Variants in ITGBL1 observed in about 807,000 individuals in gnomAD.
ITGBL1 encodes the protein integrin beta-like protein 1.
In ITGBL1, 51 loss-of-function variants were observed where a neutral mutation model predicts 68.5. The ratio of observed to expected loss-of-function variants is 0.74; its 90% CI spans 0.59 to 0.94. The LOEUF is 0.94. Ranked by LOEUF, ITGBL1 falls within the 40% of genes least tolerant of loss-of-function variation. The pLI is 0.00. For missense variants in ITGBL1, 649 were observed against 647.4 expected, an observed-to-expected ratio of 1.00 and a Z score of -0.03; for synonymous variants, 209 against 227.3, an observed-to-expected ratio of 0.92 and a Z score of 0.72.
chr13:101,652,138 C>T (rs2032772990), intron 7 of ITGBL1, among the ~76,000 whole-genome samples: 1 of 151,962 alleles, frequency 6.6e-6, no homozygotes, highest in African/African-American at 2.4e-5. Context: ...CTCTGTAGTT[C>T]AGGCTACACT....
chr13:101,455,776 A>G (rs1388975454), intron 2 of ITGBL1, among the ~76,000 whole-genome samples: 2 of 152,242 alleles, frequency 1.3e-5, no homozygotes, highest in African/African-American at 2.4e-5. Context: ...AATGAAAGCT[A>G]AGTTACCGCC....
intron 2 of ITGBL1, among the ~76,000 whole-genome samples, chr13:101,552,001 C>T (rs183185727): frequency 2.6e-5 from 4 of 152,180 alleles, no homozygotes; most frequent in Admixed American, 6.5e-5. Flanking sequence ...GGAAGATATT[C>T]CTTTTTGTCG....
At chr13:101,639,296 G>GT (rs1411107850) in intron 7 of ITGBL1, among the ~76,000 whole-genome samples, 30 of 152,074 alleles carry the variant, frequency 2.0e-4, no homozygotes, top group Non-Finnish European at 1.5e-5. Context: ...CTGAGACAAA[G>GT]TTTTCTTTTG....
chr13:101,635,190 T>G (rs2032129248), intron 7 of ITGBL1, among the ~76,000 whole-genome samples: 2 of 152,066 alleles, frequency 1.3e-5, no homozygotes, highest in South Asian at 4.1e-4. Flanking sequence ...TTATCTGTGT[T>G]GCCTCAGCAA....
At chr13:101,623,028 GAGATT>G (rs1411360424) in intron 7 of ITGBL1, among the ~76,000 whole-genome samples, 3 of 151,814 alleles carry the variant, frequency 2.0e-5, no homozygotes, top group African/African-American at 7.3e-5. Context: ...TTCTCTAATT[GAGATT>G]AGATTATATT....
chr13:101,707,571 G>A (rs771726617), intron 9 of ITGBL1, among the ~76,000 whole-genome samples: 8 of 152,104 alleles, frequency 5.3e-5, no homozygotes, highest in Non-Finnish European at 1.2e-4. Flanking sequence ...TGGGCACCGT[G>A]GCCCATGCCT....
downstream of ITGBL1, chr13:101,720,560 GTGTGTA>G (rs1412248832): frequency 6.9e-4 from 104 of 150,618 alleles, 1 homozygote; most frequent in Admixed American, 1.1e-3. Context: ...GTGTGTGTGT[GTGTGTA>G]TATGTGTGTG....
chr13:101,497,088 CAGAGGGAAAAG>C (rs2048867803), intron 2 of ITGBL1, among the ~76,000 whole-genome samples: 1 of 152,086 alleles, frequency 6.6e-6, no homozygotes, highest in Non-Finnish European at 1.5e-5. Flanking sequence ...GTTCTGAGGC[CAGAGGGAAAAG>C]AGAGGGAGAG....
intron 7 of ITGBL1, among the ~76,000 whole-genome samples, chr13:101,649,802 TA>T (rs2139449366): frequency 6.6e-6 from 1 of 152,348 alleles, no homozygotes; most frequent in Non-Finnish European, 1.5e-5. Context: ...GCTTAAAGTT[TA>T]TTAAGACTTT....
intron 4 of ITGBL1, among the ~76,000 whole-genome samples, chr13:101,577,841 T>C (rs1429662637): frequency 6.6e-6 from 1 of 152,194 alleles, no homozygotes; most frequent in East Asian, 1.9e-4. Context: ...ATAAATAAGA[T>C]ATATAGATGA....
intron 7 of ITGBL1, among the ~76,000 whole-genome samples, chr13:101,634,750 A>G (rs1281160934): frequency 6.6e-6 from 1 of 152,106 alleles, no homozygotes; most frequent in East Asian, 1.9e-4. Context: ...CAAGAAACAA[A>G]GGAATTCCTT....
intron 2 of ITGBL1, among the ~76,000 whole-genome samples, chr13:101,537,329 A>C (rs1321805192): frequency 1.3e-5 from 2 of 152,032 alleles, no homozygotes; most frequent in Non-Finnish European, 2.9e-5. Flanking sequence ...TAACTTAGGA[A>C]ATATTTAAAA....
chr13:101,605,705 TGTATGTGC>T (rs1220076364), intron 7 of ITGBL1, among the ~76,000 whole-genome samples: 17 of 151,630 alleles, frequency 1.1e-4, no homozygotes, highest in Non-Finnish European at 1.3e-4. Context: ...TGTAGACTTA[TGTATGTGC>T]GTATATGCGT....
chr13:101,649,008 A>G (rs902334633), intron 7 of ITGBL1, among the ~76,000 whole-genome samples: 4 of 152,182 alleles, frequency 2.6e-5, no homozygotes, highest in Admixed American at 6.5e-5. Context: ...TGAGACATCT[A>G]CATAAGATTT....
chr13:101,588,549 A>G (rs537303812), intron 6 of ITGBL1, among the ~76,000 whole-genome samples: 2 of 152,298 alleles, frequency 1.3e-5, no homozygotes, highest in South Asian at 2.1e-4. Context: ...TTTCAGATCC[A>G]TGTGGCAAAT....
At chr13:101,587,503 C>T (rs776510203) in intron 6 of ITGBL1, among the ~76,000 whole-genome samples, 1 of 152,186 alleles carries the variant, frequency 6.6e-6, no homozygotes, top group Non-Finnish European at 1.5e-5. Flanking sequence ...GTTTGTTACA[C>T]CCAATTTACT....
chr13:101,463,496 C>G (rs1427812032), intron 2 of ITGBL1, among the ~76,000 whole-genome samples: 1 of 152,136 alleles, frequency 6.6e-6, no homozygotes, highest in African/African-American at 2.4e-5. Context: ...CATAATTGAT[C>G]TAATGGAATG....
intron 2 of ITGBL1, among the ~76,000 whole-genome samples, chr13:101,466,686 C>CA (rs1440369281): frequency 6.6e-6 from 1 of 152,182 alleles, no homozygotes; most frequent in Non-Finnish European, 1.5e-5. Context: ...AGCACCATCT[C>CA]ACATATTTTT....
chr13:101,677,966 G>A (rs2033546258), intron 7 of ITGBL1, among the ~76,000 whole-genome samples: 1 of 152,124 alleles, frequency 6.6e-6, no homozygotes, highest in South Asian at 2.1e-4. Context: ...GTGAGTAGGT[G>A]TATACATGAT....
Sources: allele counts gnomAD v4.1 joint callset (sites outside exome capture counted in the v4.1 genomes callset), GRCh38; gene constraint gnomAD v4.1.1; transcripts MANE v1.5; gene names NCBI Gene and HGNC (gene_info 2026-07-23, HGNC 2026-07-21).